WBP11: variants seen among roughly 807,000 people sequenced by gnomAD.
WBP11 encodes the protein WW domain binding protein 11.
Under a neutral mutation model 66.7 loss-of-function variants are expected in WBP11, and 12 were observed. That is an observed-to-expected ratio of 0.18 (90% CI 0.12 to 0.29). WBP11 has a LOEUF of 0.29. Ranked by LOEUF, WBP11 falls within the 10% of genes least tolerant of loss-of-function variation. The pLI is 1.00. For synonymous variants in WBP11, 255 were observed against 273.8 expected, an observed-to-expected ratio of 0.93 and a Z score of 0.68; for missense variants, 555 against 818.3, an observed-to-expected ratio of 0.68 and a Z score of 3.93.
intron 6 of WBP11, 23 bp from the exon 7 acceptor site, chr12:14,794,759 C>T: frequency 6.5e-7 from 1 of 1,530,820 alleles, no homozygotes; most frequent in South Asian, 1.3e-5. Flanking sequence ...AAAACAAAAA[C>T]AAAAAAACCC....
chr12:14,789,233 A>T, intron 10 of WBP11, 100 bp from the exon 11 acceptor site: 4 of 1,097,970 alleles, frequency 3.6e-6, no homozygotes, highest in Non-Finnish European at 3.8e-6. Context: ...TTAACCTGAA[A>T]TCAGATTAAC....
At chr12:14,798,566 T>C (rs544590225) in intron 4 of WBP11, among the ~76,000 whole-genome samples, 37 of 152,304 alleles carry the variant, frequency 2.4e-4, no homozygotes, top group Middle Eastern at 3.4e-3. Flanking sequence ...CAGTTACAAC[T>C]GAACTGGGAA....
In WBP11 at chr12:14,787,249, G is replaced by A. The variant is rs1213286201; in HGVS notation, c.1742C>T (p.Thr581Ile). The change falls in exon 12 of 12, where the codon ACT becomes ATT. Residue 581 changes from threonine (T) to isoleucine (I), a missense_variant. Thr to Ile is a moderately conservative substitution (Grantham distance 89). Coordinates refer to ENST00000261167, the MANE Select transcript of WBP11 (RefSeq NM_016312.3). ...ATTCTCCCGACGTACTCTCAGTGCA[G>A]TGGGCACAAATCGAGTAATCTCTGC... Reference protein sequence around the residue: ...PKAEITRFVPTALRVRRENKG... With the variant: ...PKAEITRFVPIALRVRRENKG... 6.2e-7 allele frequency: 1 copy of A among 1,614,078 alleles called. No individual in the cohort carries two copies. Among genetic ancestry groups the A allele is most frequent in the Non-Finnish European group, 8.5e-7 (1 of 1,180,040 alleles).
chr12:14,791,564 A>G (rs538799454), intron 8 of WBP11, among the ~76,000 whole-genome samples: 1 of 152,372 alleles, frequency 6.6e-6, no homozygotes, highest in East Asian at 1.9e-4. Flanking sequence ...ATTCAGCCAA[A>G]CATTAAGTTA....
chr12:14,790,798 A>C, intron 9 of WBP11, 49 bp from the exon 10 acceptor site: 1 of 1,551,194 alleles, frequency 6.4e-7, no homozygotes. Flanking sequence ...ATTTTCTTAC[A>C]GTTTGGAGAA....
chr12:14,787,721 C>T (rs572419812), intron 11 of WBP11, among the ~76,000 whole-genome samples: 1 of 152,152 alleles, frequency 6.6e-6, no homozygotes, highest in Non-Finnish European at 1.5e-5. Context: ...ATTATGTTCT[C>T]TTCTTCTCTA....
rs1949857058 is a variant in WBP11, at chr12:14,794,002, T to C, written c.722-80A>G. ...TGGTACCCAGAAATACAGAAAATTATGCTATTCAACTCAGACTGTAACAAC... is the reference window on the plus strand; with the variant it reads ...TGGTACCCAGAAATACAGAAAATTACGCTATTCAACTCAGACTGTAACAAC... On this transcript the variant is annotated intron_variant, in intron 7 of 11. Coordinates refer to ENST00000261167, the MANE Select transcript of WBP11 (RefSeq NM_016312.3). 6 of 1,103,332 alleles carry C rather than the reference T, an allele frequency of 5.4e-6. No homozygotes were observed. The East Asian group carries it at 8.1e-5, about 15-fold the overall frequency. The allele number at this position is 1,103,332 out of a possible 1,614,324, so 68.3% of individuals were successfully genotyped here. A position where few individuals can be genotyped will look rare whatever the true frequency, so the allele number is the denominator to read the frequency against.
intron 1 of WBP11, among the ~76,000 whole-genome samples, chr12:14,802,412 CG>C: frequency 6.6e-6 from 1 of 152,254 alleles, no homozygotes; most frequent in Middle Eastern, 3.4e-3. Flanking sequence ...CCAACTGCCC[CG>C]AAAGCCAGAT....
chr12:14,801,656 T>G (rs1287855156), intron 1 of WBP11, among the ~76,000 whole-genome samples: 1 of 152,202 alleles, frequency 6.6e-6, no homozygotes, highest in Non-Finnish European at 1.5e-5. Context: ...GAAGACCACT[T>G]TGAATATCCT....
intron 8 of WBP11, among the ~76,000 whole-genome samples, chr12:14,792,993 T>C (rs1182221256): frequency 1.3e-5 from 2 of 152,160 alleles, no homozygotes; most frequent in African/African-American, 4.8e-5. Flanking sequence ...TATAATTATC[T>C]TTCATTACCA....
Position 14,793,869 on chromosome 12 carries a change from G to A in WBP11, c.775C>T (p.Pro259Ser). The A allele has an allele frequency of 1.9e-6, 3 of 1,613,592 alleles. No homozygotes were observed. Among genetic ancestry groups the A allele is most frequent in the East Asian group, 2.2e-5 (1 of 44,852 alleles). Residue 259 changes from proline (P) to serine (S), a missense_variant, in exon 8 of 12, where the codon CCT becomes TCT. Coordinates refer to ENST00000261167, the MANE Select transcript of WBP11 (RefSeq NM_016312.3). ...VSSTSEDDGY[P>S]EDMDQDKHDD... Reference sequence around the variant, plus strand: ...TGCTTATCTTGATCCATGTCCTCAGGATAGCCATCATCTTCACTGGTGCTA... The same window carrying A: ...TGCTTATCTTGATCCATGTCCTCAGAATAGCCATCATCTTCACTGGTGCTA...
rs894004609 is a variant in WBP11, at chr12:14,785,021, A to G, written c.*2044T>C. On this transcript the variant is annotated 3_prime_UTR_variant, in exon 12 of 12. Transcript: ENST00000261167. ...CTATCAACAGCTTTCTTATATTAACATAAATCAGAAATCTCCAACTGAAGG... is the reference window on the plus strand; with the variant it reads ...CTATCAACAGCTTTCTTATATTAACGTAAATCAGAAATCTCCAACTGAAGG... 1.3e-5 allele frequency: 2 copies of G among 152,228 alleles called. No individual in the cohort carries two copies. Among genetic ancestry groups the G allele is most frequent in the Non-Finnish European group, 2.9e-5 (2 of 68,042 alleles). 9.4% of individuals were successfully genotyped at this position (152,228 alleles called of 1,614,324 possible).
Position 14,803,349 on chromosome 12 carries a change from C to T in WBP11, c.-46+3G>A. ...GAGTAGTAAATCAATTCAATACACT[C>T]ACACTTCTGCTGTGCTCCCAGGACT... On this transcript the variant is annotated splice_donor_region_variant and intron_variant, in intron 1 of 11. Coordinates refer to ENST00000261167, the MANE Select transcript of WBP11 (RefSeq NM_016312.3). 2 of 398,650 alleles carry T rather than the reference C, an allele frequency of 5.0e-6. No individual in the cohort carries two copies. The highest frequency in any genetic ancestry group is 1.3e-4 in the South Asian group (1 of 7,846). 24.7% of individuals were successfully genotyped at this position (398,650 alleles called of 1,614,324 possible).
intron 8 of WBP11, among the ~76,000 whole-genome samples, chr12:14,791,773 G>A (rs1949824744): frequency 6.6e-6 from 1 of 152,180 alleles, no homozygotes; most frequent in Non-Finnish European, 1.5e-5. Flanking sequence ...TAAAGAAAAT[G>A]TGGTATATAT....
Position 14,799,619 on chromosome 12 carries a change from G to A in WBP11, c.190+16C>T. On this transcript the variant is annotated intron_variant, in intron 4 of 11. Transcript: ENST00000261167. ...ACGTGTCAGACTGTTATAGCTGCCT[G>A]TTTGTAAATTCTTACCCATTTCATC... 3 of 1,610,508 alleles carry A rather than the reference G, an allele frequency of 1.9e-6. No homozygotes were observed. The highest frequency in any genetic ancestry group is 2.5e-6 in the Non-Finnish European group (3 of 1,178,222).
At chr12:14,788,230 A>T (rs1949777577) in intron 11 of WBP11, among the ~76,000 whole-genome samples, 2 of 151,968 alleles carry the variant, frequency 1.3e-5, no homozygotes, top group Admixed American at 6.6e-5. Context: ...GAAGAATGAA[A>T]CTCCGTCTCA....
intron 2 of WBP11, 191 bp downstream of exon 2, chr12:14,801,129 G>GA (rs3834754): frequency 0.19 from 91,714 of 493,416 alleles, 9,595 homozygotes; most frequent in Admixed American, 0.31. Context: ...AATCAAATTT[G>GA]AAAAATAAAA....
chr12:14,796,082 C>T lies in WBP11; in HGVS notation c.387+725G>A, dbSNP rs1019993934. The stretch of plus-strand genomic sequence containing the variant: ...CACGGCTACATTTTTTTTTCCTGCA[C>T]AGATTATCTGTGACTATTCTAGAAT... On this transcript the variant is annotated intron_variant, in intron 5 of 11. Coordinates refer to ENST00000261167, the MANE Select transcript of WBP11 (RefSeq NM_016312.3). This position sits in a 1 kb window ranked among gnomAD's most constrained non-coding sequence, Gnocchi z 4.5. 9.2e-5 allele frequency among the ~76,000 whole-genome samples: 14 copies of T among 152,114 alleles called. No homozygotes were observed. Among genetic ancestry groups the T allele is most frequent in the Admixed American group, 6.5e-5 (1 of 15,270 alleles).
At chr12:14,799,870 C>G (rs1949938936) in intron 3 of WBP11, 142 bp from the exon 4 acceptor site, 4 of 724,996 alleles carry the variant, frequency 5.5e-6, no homozygotes, top group Non-Finnish European at 8.5e-6. Context: ...TAATTTTTTG[C>G]CTTAAAAATG....
Sources: allele counts gnomAD v4.1 joint callset (sites outside exome capture counted in the v4.1 genomes callset), GRCh38; gene constraint gnomAD v4.1.1; non-coding constraint Gnocchi (gnomAD v3.1); transcripts MANE v1.5; gene names NCBI Gene and HGNC (gene_info 2026-07-23, HGNC 2026-07-21).